Variants in NEGR1 observed in about 807,000 individuals in gnomAD.
NEGR1 encodes the protein neuronal growth regulator 1, also known as IgLON family member 4.
In NEGR1, 10 loss-of-function variants were observed where a neutral mutation model predicts 40.9. The ratio of observed to expected loss-of-function variants is 0.24; its 90% CI spans 0.15 to 0.42. The LOEUF is 0.42. NEGR1 is among the 10% of genes least tolerant of loss of function. The pLI is 1.00. For synonymous variants in NEGR1, 185 were observed against 166.8 expected (o/e 1.11, Z -0.84); for missense variants, 352 against 438.9 (o/e 0.80, Z 1.77).
intron 1 of NEGR1, among the ~76,000 whole-genome samples, chr1:72,269,634 G>T (rs1051660649): frequency 1.3e-5 from 2 of 151,644 alleles, no homozygotes; most frequent in African/African-American, 4.8e-5. Context: ...TTGTTGTGAG[G>T]ATTCATTGCA....
At chr1:71,551,091 A>G (rs75157136) in intron 6 of NEGR1, among the ~76,000 whole-genome samples, 1 of 151,716 alleles carries the variant, frequency 6.6e-6, no homozygotes, top group East Asian at 2.0e-4. Context: ...ATAACATTGC[A>G]TATTCCATCG....
chr1:72,128,288 A>C (rs1353494989), intron 1 of NEGR1, among the ~76,000 whole-genome samples: 1 of 152,206 alleles, frequency 6.6e-6, no homozygotes, highest in Admixed American at 6.5e-5. Flanking sequence ...AATGGTGTTA[A>C]ATCCCTTTAA....
chr1:72,174,386 G>C (rs1367016046), intron 1 of NEGR1, among the ~76,000 whole-genome samples: 1 of 152,126 alleles, frequency 6.6e-6, no homozygotes, highest in Admixed American at 6.5e-5. Context: ...TCTTGGAGTT[G>C]GAGATTCTAT....
intron 1 of NEGR1, chr1:72,274,546 G>T: frequency 2.7e-6 from 2 of 736,214 alleles, no homozygotes; most frequent in Non-Finnish European, 2.5e-6. Context: ...GTTTAAAACT[G>T]ATCCAATTAA....
At chr1:71,796,914 C>A (rs1657349695) in intron 2 of NEGR1, among the ~76,000 whole-genome samples, 1 of 152,012 alleles carries the variant, frequency 6.6e-6, no homozygotes, top group Non-Finnish European at 1.5e-5. Context: ...TATATAGGGG[C>A]CTGATAAAGA....
At chr1:71,527,864 A>G (rs1382598508) in intron 6 of NEGR1, among the ~76,000 whole-genome samples, 1 of 151,442 alleles carries the variant, frequency 6.6e-6, no homozygotes, top group Non-Finnish European at 1.5e-5. Flanking sequence ...AAATCACAAG[A>G]GAGTGAATAT....
At chr1:72,239,085 T>C (rs973943145) in intron 1 of NEGR1, among the ~76,000 whole-genome samples, 6 of 151,788 alleles carry the variant, frequency 4.0e-5, no homozygotes, top group African/African-American at 1.4e-4. Flanking sequence ...GTCAAAGAAG[T>C]GGTCCATTCA....
intron 1 of NEGR1, among the ~76,000 whole-genome samples, chr1:72,236,363 T>C (rs1018598937): frequency 1.3e-5 from 2 of 151,868 alleles, no homozygotes; most frequent in Non-Finnish European, 2.9e-5. Context: ...GCAAACCACA[T>C]GGCACTTGTA....
intron 1 of NEGR1, among the ~76,000 whole-genome samples, chr1:72,158,579 A>C (rs1470107942): frequency 1.3e-5 from 2 of 152,254 alleles, no homozygotes; most frequent in South Asian, 4.1e-4. Context: ...TTCTGTTCTT[A>C]CTTTCCTTCT....
chr1:72,073,993 G>T (rs1218031383), intron 1 of NEGR1, among the ~76,000 whole-genome samples: 3 of 151,970 alleles, frequency 2.0e-5, no homozygotes, highest in African/African-American at 7.2e-5. Context: ...AATATATCAG[G>T]TAGCATATTA....
At chr1:72,060,606 T>A (rs1249317872) in intron 1 of NEGR1, among the ~76,000 whole-genome samples, 1 of 151,634 alleles carries the variant, frequency 6.6e-6, no homozygotes, top group Non-Finnish European at 1.5e-5. Flanking sequence ...GAAGAGTTAA[T>A]ACGATAAGCT....
chr1:71,944,253 T>G (rs59578262), intron 1 of NEGR1, among the ~76,000 whole-genome samples: 17,891 of 152,098 alleles, frequency 0.12, 1,124 homozygotes, highest in Middle Eastern at 0.21. Flanking sequence ...GATACAAAGA[T>G]AATGAAAACT....
At chr1:71,749,544 C>T in intron 3 of NEGR1, among the ~76,000 whole-genome samples, 1 of 152,192 alleles carries the variant, frequency 6.6e-6, no homozygotes, top group East Asian at 1.9e-4. Flanking sequence ...GCTCGTGTCC[C>T]TGACATCCTA....
intron 1 of NEGR1, among the ~76,000 whole-genome samples, chr1:72,245,261 C>A (rs1348090237): frequency 1.3e-5 from 2 of 151,946 alleles, no homozygotes; most frequent in East Asian, 1.9e-4. Flanking sequence ...TTTAGCCCAA[C>A]AAAATGTAAT....
At chr1:71,560,238 C>T (rs751698880) in intron 6 of NEGR1, among the ~76,000 whole-genome samples, 1 of 150,990 alleles carries the variant, frequency 6.6e-6, no homozygotes, top group Non-Finnish European at 1.5e-5. Flanking sequence ...GGAATTTCAG[C>T]TTCAGAGATT....
At chr1:71,791,390 A>T (rs998104000) in intron 2 of NEGR1, among the ~76,000 whole-genome samples, 1 of 152,066 alleles carries the variant, frequency 6.6e-6, no homozygotes, top group Non-Finnish European at 1.5e-5. Flanking sequence ...CTGCTACTGC[A>T]TATCTCTCCT....
intron 1 of NEGR1, among the ~76,000 whole-genome samples, chr1:72,061,190 T>G (rs149381669): frequency 8.2e-4 from 124 of 151,812 alleles, no homozygotes; most frequent in African/African-American, 3.0e-3. Flanking sequence ...TAATAACCTC[T>G]GTTTTCAAAC....
At position 71,497,662 on chromosome 1, in the gene NEGR1, GA is replaced by G. The variant is rs577529871; in HGVS notation, c.941-90093del. Among the ~76,000 whole-genome samples, 19 of 151,752 alleles carry G rather than the reference GA, an allele frequency of 1.3e-4. No homozygotes were observed. In the East Asian group the frequency reaches 2.9e-3, roughly 23 times the overall value. ...TGAGAAGCTAAATGGAAAGAATGAT[GA>G]AAAAATGCACAGTTGCAAAATTCAA... On this transcript the variant is annotated intron_variant, in intron 6 of 6. Coordinates refer to ENST00000357731, the MANE Select transcript of NEGR1 (RefSeq NM_173808.3).
At chr1:72,174,583 C>T (rs774153224) in intron 1 of NEGR1, among the ~76,000 whole-genome samples, 3 of 151,998 alleles carry the variant, frequency 2.0e-5, no homozygotes, top group African/African-American at 2.4e-5. Flanking sequence ...CTGTTTTACA[C>T]GTAAGTTAAC....
Sources: allele counts gnomAD v4.1 joint callset (sites outside exome capture counted in the v4.1 genomes callset), GRCh38; gene constraint gnomAD v4.1.1; transcripts MANE v1.5; gene names NCBI Gene and HGNC (gene_info 2026-07-23, HGNC 2026-07-21).